KNL1: variants seen among roughly 807,000 people sequenced by gnomAD.
KNL1 encodes outer kinetochore KNL1 complex subunit KNL1.
In KNL1, 66 loss-of-function variants were observed where a neutral mutation model predicts 201.3. That is an observed-to-expected ratio of 0.33 (90% CI 0.27 to 0.40). The LOEUF is 0.40. Among genes scored for constraint, KNL1 ranks in the 10% least tolerant of loss-of-function variants. The pLI is 1.00. For synonymous variants in KNL1, 895 were observed against 899.2 expected (o/e 1.00, Z 0.08); for missense variants, 2,815 against 2,690.5 (o/e 1.05, Z -1.02).
At chr15:40,657,554 C>G in intron 24 of KNL1, 81 bp downstream of exon 24, 2 of 756,218 alleles carry the variant, frequency 2.6e-6, no homozygotes, top group Non-Finnish European at 4.8e-6. Flanking sequence ...GGCTGGAGGT[C>G]TGAGATTAAG....
intron 14 of KNL1, 71 bp from the exon 15 acceptor site, chr15:40,644,926 C>G: frequency 1.1e-6 from 1 of 927,148 alleles, no homozygotes; most frequent in South Asian, 1.5e-5. Flanking sequence ...TCTTTCCTTT[C>G]TACATAGACA....
At chr15:40,620,143 A>G (rs1253198321) in intron 9 of KNL1, among the ~76,000 whole-genome samples, 1 of 151,990 alleles carries the variant, frequency 6.6e-6, no homozygotes, top group East Asian at 1.9e-4. Context: ...TCCTGGCTTC[A>G]GGCAATCCCC....
chr15:40,594,354 A>G lies in KNL1; in HGVS notation c.-56A>G, dbSNP rs1332768497. 6.6e-6 allele frequency: 1 copy of G among 152,254 alleles called. No individual in the cohort carries two copies. Among genetic ancestry groups the G allele is most frequent in the Non-Finnish European group, 1.5e-5 (1 of 68,068 alleles). 9.4% of individuals were successfully genotyped at this position (152,254 alleles called of 1,614,324 possible). Reference sequence around the variant, plus strand: ...ACTCAGAGCGTGTGGACCCCAAACAAGTCTGCGCAAAATTTGTCGAGGAGG... The same window carrying G: ...ACTCAGAGCGTGTGGACCCCAAACAGGTCTGCGCAAAATTTGTCGAGGAGG... On this transcript the variant is annotated 5_prime_UTR_variant, in exon 1 of 26. Coordinates refer to ENST00000399668, the MANE Select transcript of KNL1 (RefSeq NM_144508.5).
At chr15:40,600,120 G>A (rs1295430910) in intron 1 of KNL1, among the ~76,000 whole-genome samples, 1 of 148,354 alleles carries the variant, frequency 6.7e-6, no homozygotes, top group Non-Finnish European at 1.5e-5. Flanking sequence ...TTGTTGCCCA[G>A]GTTGGAGTGC....
intron 25 of KNL1, among the ~76,000 whole-genome samples, chr15:40,661,007 C>T (rs1893891633): frequency 6.6e-6 from 1 of 152,178 alleles, no homozygotes; most frequent in African/African-American, 2.4e-5. Flanking sequence ...TGTTTCATTC[C>T]TCCTAGACTG....
intron 3 of KNL1, 43 bp from the exon 4 acceptor site, chr15:40,606,350 G>T (rs1490539018): frequency 8.5e-7 from 1 of 1,180,354 alleles, no homozygotes; most frequent in Non-Finnish European, 1.3e-6. Flanking sequence ...ATTCTTAATA[G>T]ATATGCCAGA....
At chr15:40,656,901 AAAAG>A in intron 22 of KNL1, 137 bp from the exon 23 acceptor site, 1 of 446,814 alleles carries the variant, frequency 2.2e-6, no homozygotes, top group Non-Finnish European at 4.0e-6. Context: ...AAAAAAAAGA[AAAAG>A]AAAAAATGGA....
At position 40,628,097 on chromosome 15, in the gene KNL1, A is replaced by G. The variant is rs761774091; in HGVS notation, c.5404A>G (p.Ile1802Val). 3 of 1,607,654 alleles carry G rather than the reference A, an allele frequency of 1.9e-6. No individual in the cohort carries two copies. The highest frequency in any genetic ancestry group is 1.7e-5 in the Admixed American group (1 of 58,204). The part of the protein sequence containing the change: ...EIFDHHTEED[I>V]DKSANSVLIK... The stretch of plus-strand genomic sequence containing the variant: ...TTTTGATCACCATACTGAAGAGGAT[A>G]TAGATAAAAGTGCTAACAGTGTATT... The change falls in exon 11 of 26, where the codon ATA becomes GTA. Residue 1802 changes from isoleucine to valine, a missense_variant. Physicochemically the swap from Ile to Val is conservative, Grantham distance 29 (BLOSUM62 3). Around this residue, in one of 3 missense-constraint regions of KNL1, gnomAD observed 2,464 missense variants for 2,291.7 expected, o/e 1.08. Coordinates refer to ENST00000399668, the MANE Select transcript of KNL1 (RefSeq NM_144508.5).
chr15:40,597,099 G>A (rs1443019045), intron 1 of KNL1, among the ~76,000 whole-genome samples: 3 of 150,812 alleles, frequency 2.0e-5, no homozygotes, highest in Non-Finnish European at 3.0e-5. Flanking sequence ...TAATGCAAAT[G>A]TACTGTTTTG....
At chr15:40,637,214 T>C (rs1409355593) in intron 13 of KNL1, among the ~76,000 whole-genome samples, 2 of 151,682 alleles carry the variant, frequency 1.3e-5, no homozygotes, top group East Asian at 3.9e-4. Flanking sequence ...TTTTTAATCT[T>C]CACTTTTTTT....
chr15:40,625,427 TGAG>T lies in KNL1; in HGVS notation c.5164_5166del (p.Glu1722del), dbSNP rs756926989. On this transcript the variant is annotated inframe_deletion, in exon 10 of 26. Coordinates refer to ENST00000399668, the MANE Select transcript of KNL1 (RefSeq NM_144508.5). ...AGGAAAATCTTCCTGTATATCCTGA[TGAG>T]ATCAATTCTTCAGACTCTATTAACA... 1 of 1,613,680 alleles carries T rather than the reference TGAG, an allele frequency of 6.2e-7. No individual in the cohort carries two copies. The highest frequency in any genetic ancestry group is 2.2e-5 in the East Asian group (1 of 44,864).
intron 1 of KNL1, among the ~76,000 whole-genome samples, chr15:40,596,373 T>C (rs1891619501): frequency 1.3e-5 from 2 of 152,024 alleles, no homozygotes; most frequent in South Asian, 4.1e-4. Flanking sequence ...GCCTCCTGGG[T>C]TCAAATGATT....
chr15:40,663,377 G>A lies in KNL1; in HGVS notation c.*1189G>A, dbSNP rs1893967739. On this transcript the variant is annotated 3_prime_UTR_variant, in exon 26 of 26. Coordinates refer to ENST00000399668, the MANE Select transcript of KNL1 (RefSeq NM_144508.5). Reference sequence around the variant, plus strand: ...CAGCAATGTTTTCTTAATAAGTATAGTTTTTCTAGGGAAAGTTAATTCATT... The same window carrying A: ...CAGCAATGTTTTCTTAATAAGTATAATTTTTCTAGGGAAAGTTAATTCATT... 5.6e-6 allele frequency: 1 copy of A among 178,994 alleles called. No homozygotes were observed. The highest frequency in any genetic ancestry group is 9.2e-5 in the East Asian group (1 of 10,832). 11.1% of individuals were successfully genotyped at this position (178,994 alleles called of 1,614,324 possible). A position where few individuals can be genotyped will look rare whatever the true frequency, so the allele number is the denominator to read the frequency against.
At chr15:40,628,301 A>G (rs536414652) in intron 11 of KNL1, 93 bp downstream of exon 11, 50 of 1,316,958 alleles carry the variant, frequency 3.8e-5, no homozygotes, top group Non-Finnish European at 4.8e-5. Context: ...TGAATGTTGT[A>G]TATGCCTTTT....
intron 13 of KNL1, 124 bp downstream of exon 13, chr15:40,629,495 C>CTTTTTTTTTTTTTTTT (rs386382806): frequency 1.2e-5 from 2 of 162,464 alleles, no homozygotes; most frequent in Non-Finnish European, 2.1e-5. Flanking sequence ...TTTGCCTTTT[C>CTTTTTTTTTTTTTTTT]TTTTTTTTTT....
At chr15:40,610,659 C>T (rs1430635992) in intron 6 of KNL1, 2 of 435,100 alleles carry the variant, frequency 4.6e-6, no homozygotes, top group Non-Finnish European at 9.1e-6. Context: ...CAGTGCACTC[C>T]AGCCTGGGCA....
Position 40,641,014 on chromosome 15 carries a change from C to A in KNL1, c.5785C>A (p.Gln1929Lys). 1 of 1,606,172 alleles carries A rather than the reference C, an allele frequency of 6.2e-7. No individual in the cohort carries two copies. Among genetic ancestry groups the A allele is most frequent in the South Asian group, 1.1e-5 (1 of 90,674 alleles). The change falls in exon 14 of 26, where the codon CAA becomes AAA. Residue 1929 changes from glutamine (Q) to lysine (K), a missense_variant. Physicochemically the swap from Gln to Lys is moderately conservative, Grantham distance 53. Transcript: ENST00000399668. ...TAGAGAAGATTGTGAGGCTCGTCGCCAAAAGATTGAAGAGTATGAAAGCTT... is the reference window on the plus strand; with the variant it reads ...TAGAGAAGATTGTGAGGCTCGTCGCAAAAAGATTGAAGAGTATGAAAGCTT... ...IYREDCEARR[Q>K]KIEELKLSAS...
intron 24 of KNL1, among the ~76,000 whole-genome samples, chr15:40,658,561 C>CAAAA (rs35180053): frequency 1.3e-4 from 10 of 74,150 alleles, no homozygotes; most frequent in East Asian, 4.1e-4. Context: ...GAATCTGTCT[C>CAAAA]AAAAAAAAAA....
At chr15:40,655,263 A>G (rs1893689698) in intron 22 of KNL1, among the ~76,000 whole-genome samples, 1 of 151,742 alleles carries the variant, frequency 6.6e-6, no homozygotes, top group Admixed American at 6.6e-5. Flanking sequence ...ATGCCACTGC[A>G]GTCCAGCCTG....
Sources: gnomAD v4.1 joint callset for allele counts (sites outside exome capture counted in the v4.1 genomes callset) on GRCh38, gnomAD v4.1.1 for gene constraint, gnomAD v4.1.1 regional missense constraint, MANE v1.5 for transcripts, NCBI Gene and HGNC (gene_info 2026-07-23, HGNC 2026-07-21) for gene names.